The following NHS variants were observed in gnomAD, a reference collection of about 807,000 sequenced individuals.
The protein encoded by NHS is NHS actin remodeling regulator.
In NHS, 5 loss-of-function variants were observed where a neutral mutation model predicts 72.5. That is an observed-to-expected ratio of 0.07 (90% CI 0.04 to 0.14). The LOEUF (loss-of-function observed/expected upper bound fraction) is 0.14. NHS is among the 10% of genes least tolerant of loss of function. The pLI, the probability that NHS is intolerant of heterozygous loss-of-function variation, is 1.00. For missense variants in NHS, 1,072 were observed against 1,355.7 expected, an observed-to-expected ratio of 0.79 and a Z score of 3.29; for synonymous variants, 464 against 547.7, an observed-to-expected ratio of 0.85 and a Z score of 2.13.
chrX:17,431,021 A>G (rs1407025562), intron 1 of NHS, among the ~76,000 whole-genome samples: 2 of 111,726 alleles, frequency 1.8e-5, no homozygotes, highest in Non-Finnish European at 3.8e-5. Flanking sequence ...TCATATGATA[A>G]CTCCATGTTT....
At position 17,514,158 on chromosome X, in the gene NHS, C is replaced by A. The variant is rs757166547; in HGVS notation, c.565+137836C>A. Among the ~76,000 whole-genome samples the A allele has an allele frequency of 3.3e-3, 369 of 112,078 alleles. 1 individual carries two copies. Among genetic ancestry groups the A allele is most frequent in the African/African-American group, 0.011 (347 of 30,896 alleles). On this transcript the variant is annotated intron_variant, in intron 1 of 8. Transcript: ENST00000676302. Reference sequence around the variant, plus strand: ...ACCTCCCACCAGGTCCCTCTTCCAACACATGAGAATTCAAGATGAGATTTA... The same window carrying A: ...ACCTCCCACCAGGTCCCTCTTCCAAAACATGAGAATTCAAGATGAGATTTA...
intron 2 of NHS, among the ~76,000 whole-genome samples, chrX:17,691,419 A>G (rs138017842): frequency 8.9e-6 from 1 of 112,221 alleles, no homozygotes; most frequent in East Asian, 2.8e-4. Flanking sequence ...GACTACCTAC[A>G]TGGTTTTGAA....
intron 1 of NHS, among the ~76,000 whole-genome samples, chrX:17,428,329 A>T (rs958670054): frequency 8.9e-6 from 1 of 112,703 alleles, no homozygotes; most frequent in African/African-American, 3.2e-5. Flanking sequence ...CCAGATAGAT[A>T]TATAAGGCAC....
chrX:17,723,770 T>TGTGTGTGTGTGTGTGCGCGC (rs541219770), intron 5 of NHS, among the ~76,000 whole-genome samples: 6 of 91,317 alleles, frequency 6.6e-5, no homozygotes, highest in African/African-American at 1.0e-4. Context: ...TGTGTGTGTG[T>TGTGTGTGTGTGTGTGCGCGC]GCGCGCGCGT....
chrX:17,468,370 T>A (rs1183378984), intron 1 of NHS, among the ~76,000 whole-genome samples: 1 of 110,665 alleles, frequency 9.0e-6, no homozygotes, highest in African/African-American at 3.3e-5. Flanking sequence ...AGAAGGTGTC[T>A]CGCAGTGTGG....
chrX:17,375,394 T>C lies in NHS; in HGVS notation c.-364T>C, dbSNP rs909327288. On this transcript the variant is annotated 5_prime_UTR_variant, in exon 1 of 9. Coordinates refer to ENST00000676302, the MANE Select transcript of NHS (RefSeq NM_001291867.2). Reference sequence around the variant, plus strand: ...ACAGACACACGCACGCCCATTTATATAGGCGGCGGCGACGGCAGTGGCCGG... The same window carrying C: ...ACAGACACACGCACGCCCATTTATACAGGCGGCGGCGACGGCAGTGGCCGG... 1 of 389,248 alleles carries C rather than the reference T, an allele frequency of 2.6e-6. No individual in the cohort carries two copies. The highest frequency in any genetic ancestry group is 2.6e-5 in the African/African-American group (1 of 39,105). 32.1% of individuals were successfully genotyped at this position (389,248 alleles called of 1,213,427 possible). A position where few individuals can be genotyped will look rare whatever the true frequency, so the allele number is the denominator to read the frequency against.
intron 1 of NHS, among the ~76,000 whole-genome samples, chrX:17,663,883 G>A (rs1017425538): frequency 9.0e-6 from 1 of 111,600 alleles, no homozygotes; most frequent in African/African-American, 3.3e-5. Flanking sequence ...GGTATGTCAG[G>A]AGCCATTCTA....
At chrX:17,458,519 G>C (rs750580365) in intron 1 of NHS, among the ~76,000 whole-genome samples, 1 of 110,864 alleles carries the variant, frequency 9.0e-6, no homozygotes, top group Non-Finnish European at 1.9e-5. Flanking sequence ...GCGAGAGGGA[G>C]TCTCACTCTG....
At position 17,411,408 on chromosome X, in the gene NHS, G is replaced by A. The variant is rs547540836; in HGVS notation, c.565+35086G>A. Reference sequence around the variant, plus strand: ...CTAGGTTGACTAGCCATGGAATGAGGTCATGTATCCTTGATCCAGATCATG... The same window carrying A: ...CTAGGTTGACTAGCCATGGAATGAGATCATGTATCCTTGATCCAGATCATG... On this transcript the variant is annotated intron_variant, in intron 1 of 8. Coordinates refer to ENST00000676302, the MANE Select transcript of NHS (RefSeq NM_001291867.2). Among the ~76,000 whole-genome samples, 3 of 111,589 alleles carry A rather than the reference G, an allele frequency of 2.7e-5. No individual in the cohort carries two copies. The South Asian group carries it at 1.1e-3, about 42-fold the overall frequency.
chrX:17,725,082 C>T (rs944558950), intron 6 of NHS, among the ~76,000 whole-genome samples: 4 of 111,096 alleles, frequency 3.6e-5, no homozygotes, highest in South Asian at 3.8e-4. Context: ...GGCAAATTAA[C>T]GTGATAGTGA....
intron 1 of NHS, among the ~76,000 whole-genome samples, chrX:17,644,605 C>T: frequency 9.0e-6 from 1 of 110,955 alleles, no homozygotes; most frequent in Non-Finnish European, 1.9e-5. Context: ...AGAGGGTGAA[C>T]CAGTACCCCT....
intron 1 of NHS, among the ~76,000 whole-genome samples, chrX:17,524,905 G>T (rs2065165417): frequency 8.9e-6 from 1 of 112,274 alleles, no homozygotes; most frequent in Non-Finnish European, 1.9e-5. Flanking sequence ...CCTGGATAAT[G>T]ATTTACTCTA....
chrX:17,524,754 A>G (rs1245975869), intron 1 of NHS, among the ~76,000 whole-genome samples: 1 of 112,350 alleles, frequency 8.9e-6, no homozygotes, highest in Non-Finnish European at 1.9e-5. Flanking sequence ...TTGATTAGTT[A>G]AGCTGGTGTC....
At chrX:17,532,976 A>G (rs774706766) in intron 1 of NHS, among the ~76,000 whole-genome samples, 13 of 112,246 alleles carry the variant, frequency 1.2e-4, no homozygotes, top group Non-Finnish European at 2.3e-4. Flanking sequence ...TGCCTGTAGT[A>G]TAGAGATGCT....
chrX:17,697,991 A>G (rs961204466), intron 3 of NHS, among the ~76,000 whole-genome samples: 4 of 111,508 alleles, frequency 3.6e-5, no homozygotes, highest in Non-Finnish European at 7.6e-5. Flanking sequence ...AACAGAGAAG[A>G]CAACACATCT....
intron 1 of NHS, among the ~76,000 whole-genome samples, chrX:17,491,870 G>A (rs994452341): frequency 2.8e-5 from 3 of 108,088 alleles, no homozygotes; most frequent in South Asian, 8.3e-4. Context: ...GAGGGTGTAT[G>A]TGTCCAGGAA....
chrX:17,589,183 T>G, intron 1 of NHS, among the ~76,000 whole-genome samples: 1 of 111,973 alleles, frequency 8.9e-6, no homozygotes, highest in Non-Finnish European at 1.9e-5. Flanking sequence ...TTTCCATAGG[T>G]TTTTGGGGAA....
chrX:17,583,094 C>T (rs1431813368), intron 1 of NHS, among the ~76,000 whole-genome samples: 1 of 112,097 alleles, frequency 8.9e-6, no homozygotes, highest in Non-Finnish European at 1.9e-5. Context: ...GAACATTCCA[C>T]CAGGCTGTTT....
rs1325284514 is a variant in NHS at position 17,537,895 on chromosome X, T to G, written c.566-149847T>G. ...GACGCCTGAATTGAATTTGGGCAGT[T>G]GCTGAGCAGATGGGGATCAGAGGGG... On this transcript the variant is annotated intron_variant, in intron 1 of 8. Coordinates refer to ENST00000676302, the MANE Select transcript of NHS (RefSeq NM_001291867.2). Among the ~76,000 whole-genome samples, 4 of 111,686 alleles carry G rather than the reference T, an allele frequency of 3.6e-5. No individual in the cohort carries two copies. In the Admixed American group the frequency reaches 3.8e-4, roughly 11 times the overall value.
Sources: allele counts gnomAD v4.1 joint callset (sites outside exome capture counted in the v4.1 genomes callset), GRCh38; gene constraint gnomAD v4.1.1; transcripts MANE v1.5; gene names NCBI Gene and HGNC (gene_info 2026-07-23, HGNC 2026-07-21).